The following RNLS variants were observed in gnomAD, a reference collection of about 807,000 sequenced individuals.
RNLS encodes the protein renalase, FAD dependent amine oxidase.
Under a neutral mutation model 39.8 loss-of-function variants are expected in RNLS, and 39 were observed. That is an observed-to-expected ratio of 0.98 (90% CI 0.76 to 1.28). RNLS has a LOEUF of 1.28. Among genes scored for constraint, RNLS ranks in the 50% most tolerant of loss-of-function variants. The pLI, the probability that RNLS is intolerant of heterozygous loss-of-function variation, is 0.00. For synonymous variants in RNLS, 147 were observed against 150.7 expected, an observed-to-expected ratio of 0.98 and a Z score of 0.18; for missense variants, 410 against 413.3, an observed-to-expected ratio of 0.99 and a Z score of 0.07.
At chr10:88,180,268 A>G in the RNLS span, among the ~76,000 whole-genome samples, 1 of 152,246 alleles carries the variant, frequency 6.6e-6, no homozygotes, top group African/African-American at 2.4e-5. Flanking sequence ...TGGATGTTTC[A>G]GACTGCACCA....
chr10:88,277,756 A>C (rs1842865110), intron 6 of RNLS, among the ~76,000 whole-genome samples: 1 of 152,198 alleles, frequency 6.6e-6, no homozygotes. Flanking sequence ...TACCCTAGAA[A>C]TTTTAGAACA....
At chr10:88,179,696 C>T in the RNLS span, among the ~76,000 whole-genome samples, 1 of 152,158 alleles carries the variant, frequency 6.6e-6, no homozygotes, top group Non-Finnish European at 1.5e-5. Context: ...TTTGGTACCC[C>T]AGGACTTTGG....
the RNLS span, among the ~76,000 whole-genome samples, chr10:88,198,239 C>T: frequency 3.3e-5 from 5 of 152,108 alleles, no homozygotes; most frequent in Admixed American, 6.5e-5. Context: ...CAGCCACCAA[C>T]GTGTAGAGAC....
chr10:88,495,585 G>A (rs1415737752), intron 4 of RNLS, among the ~76,000 whole-genome samples: 2 of 152,044 alleles, frequency 1.3e-5, no homozygotes, highest in Non-Finnish European at 2.9e-5. Context: ...AAATCAAAAA[G>A]GGCTACCAGT....
intron 4 of RNLS, among the ~76,000 whole-genome samples, chr10:88,498,548 C>G (rs967501163): frequency 6.8e-6 from 1 of 147,344 alleles, no homozygotes; most frequent in African/African-American, 2.5e-5. Flanking sequence ...GGTCTGCATA[C>G]TAGATAATAA....
chr10:88,185,780 T>C, the RNLS span, among the ~76,000 whole-genome samples: 1 of 152,078 alleles, frequency 6.6e-6, no homozygotes, highest in Admixed American at 6.6e-5. Flanking sequence ...AAAAATAAAA[T>C]ACAGTATTAA....
At chr10:88,411,790 G>T (rs979922026) in intron 4 of RNLS, among the ~76,000 whole-genome samples, 2 of 152,102 alleles carry the variant, frequency 1.3e-5, no homozygotes, top group African/African-American at 2.4e-5. Context: ...TTGGGAAGAA[G>T]TAAGAAGGAT....
intron 4 of RNLS, among the ~76,000 whole-genome samples, chr10:88,448,537 T>C (rs938126259): frequency 3.3e-5 from 5 of 152,134 alleles, no homozygotes; most frequent in African/African-American, 1.2e-4. Context: ...TAGGAACACT[T>C]TTACACTGTT....
intron 5 of RNLS, among the ~76,000 whole-genome samples, chr10:88,348,574 G>A (rs997659886): frequency 6.6e-6 from 1 of 152,124 alleles, no homozygotes; most frequent in Non-Finnish European, 1.5e-5. Context: ...CTGTAATTTG[G>A]ACTTGTTTAT....
At chr10:88,308,544 G>A (rs75791746) in intron 6 of RNLS, among the ~76,000 whole-genome samples, 3 of 152,090 alleles carry the variant, frequency 2.0e-5, no homozygotes, top group Non-Finnish European at 2.9e-5. Flanking sequence ...GCTGAACATC[G>A]CTGATCATTA....
chr10:88,454,522 T>A (rs10749591), intron 4 of RNLS, among the ~76,000 whole-genome samples: 108,081 of 152,096 alleles, frequency 0.71, 39,529 homozygotes, highest in African/African-American at 0.89. Context: ...TGATATCCAC[T>A]TGGCTCTTTG....
intron 4 of RNLS, among the ~76,000 whole-genome samples, chr10:88,501,765 T>C (rs1845500524): frequency 6.6e-6 from 1 of 152,144 alleles, no homozygotes; most frequent in Non-Finnish European, 1.5e-5. Context: ...TTTCAGCACT[T>C]GCCAAGACTA....
rs1228331887 is a variant in RNLS at position 88,405,001 on chromosome 10, C to T, written c.527-42276G>A. On this transcript the variant is annotated intron_variant, in intron 4 of 6. Transcript: ENST00000331772. ...TTTAGTCAGCTGGGTAGTATCTGGG[C>T]TTATATTACAGAAGAGAGAATTATA... 2.6e-5 allele frequency among the ~76,000 whole-genome samples: 4 copies of T among 151,972 alleles called. No homozygotes were observed. The East Asian group carries it at 5.8e-4, about 22-fold the overall frequency.
chr10:88,529,276 C>T (rs1421672396), intron 4 of RNLS, among the ~76,000 whole-genome samples: 1 of 152,150 alleles, frequency 6.6e-6, no homozygotes, highest in Non-Finnish European at 1.5e-5. Flanking sequence ...ATCTGCTTCT[C>T]CCTACCATAA....
At chr10:88,534,029 T>C (rs1004813186) in intron 4 of RNLS, among the ~76,000 whole-genome samples, 1 of 151,748 alleles carries the variant, frequency 6.6e-6, no homozygotes, top group African/African-American at 2.4e-5. Flanking sequence ...GAAGGTGTGA[T>C]TAGAGTTAGA....
the RNLS span, among the ~76,000 whole-genome samples, chr10:88,192,946 G>A: frequency 1.3e-5 from 2 of 152,174 alleles, no homozygotes; most frequent in African/African-American, 4.8e-5. Flanking sequence ...AGTTAGCATG[G>A]CTGGCTGCCT....
intron 5 of RNLS, among the ~76,000 whole-genome samples, chr10:88,323,519 G>A (rs1589551790): frequency 6.6e-6 from 1 of 152,180 alleles, no homozygotes; most frequent in East Asian, 1.9e-4. Flanking sequence ...ACCCTATTCA[G>A]TAAATTATGT....
chr10:88,364,389 C>T (rs1213136825), intron 4 of RNLS, among the ~76,000 whole-genome samples: 1 of 152,070 alleles, frequency 6.6e-6, no homozygotes, highest in East Asian at 1.9e-4. Flanking sequence ...ATTTCAGCTA[C>T]AAAACATTTT....
chr10:88,501,838 T>G (rs1478179898), intron 4 of RNLS, among the ~76,000 whole-genome samples: 3 of 152,140 alleles, frequency 2.0e-5, no homozygotes, highest in Non-Finnish European at 4.4e-5. Context: ...TTTCCAAAGC[T>G]CTCTCTTATT....
Sources: allele counts gnomAD v4.1 joint callset (sites outside exome capture counted in the v4.1 genomes callset), GRCh38; gene constraint gnomAD v4.1.1; transcripts MANE v1.5; gene names NCBI Gene and HGNC (gene_info 2026-07-23, HGNC 2026-07-21).